The following DGKB variants were observed in gnomAD, a reference collection of about 807,000 sequenced individuals.
DGKB encodes the protein diacylglycerol kinase beta, also known as 90 kDa diacylglycerol kinase.
DGKB carries 67 observed loss-of-function variants against 114.3 expected under a neutral mutation model. The ratio of observed to expected loss-of-function variants is 0.59; its 90% CI spans 0.48 to 0.72. The LOEUF is 0.72. Ranked by LOEUF, DGKB falls within the 30% of genes least tolerant of loss-of-function variation. DGKB has a pLI of 0.00. For synonymous variants in DGKB, 398 were observed against 323.1 expected, an observed-to-expected ratio of 1.23 and a Z score of -2.49; for missense variants, 907 against 975.2, an observed-to-expected ratio of 0.93 and a Z score of 0.93.
intron 21 of DGKB, among the ~76,000 whole-genome samples, chr7:14,468,363 T>C (rs1403633455): frequency 3.3e-5 from 5 of 152,084 alleles, no homozygotes; most frequent in East Asian, 1.9e-4. Context: ...AGGCTGATGC[T>C]AACCTAGGTG....
chr7:14,445,562 G>T (rs761504458), intron 21 of DGKB, among the ~76,000 whole-genome samples: 1 of 151,970 alleles, frequency 6.6e-6, no homozygotes, highest in African/African-American at 2.4e-5. Context: ...AGATAATGAA[G>T]AGGTAATAAC....
chr7:14,530,387 T>C (rs1319098477), intron 20 of DGKB, among the ~76,000 whole-genome samples: 1 of 151,560 alleles, frequency 6.6e-6, no homozygotes, highest in Non-Finnish European at 1.5e-5. Flanking sequence ...CATCTCAAAT[T>C]GCCTTCTCCC....
At chr7:14,826,258 G>A (rs2109500) in intron 2 of DGKB, among the ~76,000 whole-genome samples, 66,747 of 151,856 alleles carry the variant, frequency 0.44, 15,088 homozygotes, top group Non-Finnish European at 0.48. Flanking sequence ...TAATTATTCC[G>A]TGGGACTCTC....
intron 20 of DGKB, among the ~76,000 whole-genome samples, chr7:14,501,341 C>T (rs1786139001): frequency 1.3e-5 from 2 of 151,270 alleles, no homozygotes; most frequent in Non-Finnish European, 3.0e-5. Flanking sequence ...GAAATATCAT[C>T]AGGAGGAGGT....
At chr7:14,928,954 T>C (rs1784872877) in intron 1 of DGKB, among the ~76,000 whole-genome samples, 3 of 151,882 alleles carry the variant, frequency 2.0e-5, no homozygotes. Context: ...TGACTTAAGA[T>C]AATGGCTTGT....
At chr7:14,554,047 AT>A (rs1421360063) in intron 20 of DGKB, among the ~76,000 whole-genome samples, 2 of 151,058 alleles carry the variant, frequency 1.3e-5, no homozygotes, top group African/African-American at 4.9e-5. Flanking sequence ...TAATTTTTGT[AT>A]TTTTTAGTAG....
intron 21 of DGKB, among the ~76,000 whole-genome samples, chr7:14,437,570 A>G (rs1829465931): frequency 6.6e-6 from 1 of 152,040 alleles, no homozygotes; most frequent in African/African-American, 2.4e-5. Flanking sequence ...GGCTTTATTT[A>G]ACTGATTTAA....
At chr7:14,883,653 A>G (rs1393835070) in intron 1 of DGKB, among the ~76,000 whole-genome samples, 2 of 151,950 alleles carry the variant, frequency 1.3e-5, no homozygotes, top group African/African-American at 4.8e-5. Context: ...ATACTTTTGA[A>G]CAAATTTGAG....
At chr7:14,698,038 A>C in intron 8 of DGKB, 57 bp downstream of exon 8, 1 of 884,178 alleles carries the variant, frequency 1.1e-6, no homozygotes, top group Non-Finnish European at 1.8e-6. Context: ...AAAGAAAGAA[A>C]AGAAAGAAAG....
chr7:14,688,820 A>C (rs2128983616), intron 9 of DGKB, among the ~76,000 whole-genome samples: 1 of 69,394 alleles, frequency 1.4e-5, no homozygotes, highest in Admixed American at 1.5e-4. Flanking sequence ...TTTTTCCATA[A>C]ATAAAAATCA....
At chr7:14,534,289 C>A (rs1193953757) in intron 20 of DGKB, among the ~76,000 whole-genome samples, 5 of 151,766 alleles carry the variant, frequency 3.3e-5, no homozygotes, top group Admixed American at 6.6e-5. Flanking sequence ...ATAAAATAAA[C>A]AAAGGTAGTA....
intron 20 of DGKB, among the ~76,000 whole-genome samples, chr7:14,545,551 A>G (rs1309059105): frequency 6.6e-6 from 1 of 152,164 alleles, no homozygotes; most frequent in Non-Finnish European, 1.5e-5. Flanking sequence ...GGATAATAAA[A>G]CAGACTAGAG....
chr7:14,728,625 CCTAT>C (rs1372725139), intron 5 of DGKB, among the ~76,000 whole-genome samples: 2 of 152,030 alleles, frequency 1.3e-5, no homozygotes, highest in Non-Finnish European at 2.9e-5. Flanking sequence ...TTTTTGAACT[CCTAT>C]CTTAGTTTAA....
At chr7:14,396,993 T>C (rs1238488120) in intron 21 of DGKB, among the ~76,000 whole-genome samples, 1 of 152,072 alleles carries the variant, frequency 6.6e-6, no homozygotes, top group Non-Finnish European at 1.5e-5. Flanking sequence ...TATATGGAAA[T>C]ATTGAAGAGA....
chr7:14,766,053 C>T lies in DGKB; in HGVS notation c.71-8322G>A, dbSNP rs187053234. 2.4e-3 allele frequency among the ~76,000 whole-genome samples: 362 copies of T among 151,958 alleles called. 1 individual carries two copies. The highest frequency in any genetic ancestry group is 4.1e-3 in the Non-Finnish European group (278 of 67,854). On this transcript the variant is annotated intron_variant, in intron 2 of 25. Transcript: ENST00000402815. ...ATCAATCTATATGTGATTATTTGTA[C>T]TTTAGAAACAATAAATAGGTCTTTA...
At chr7:14,973,107 A>T (rs979704557) in intron 1 of DGKB, among the ~76,000 whole-genome samples, 3 of 152,048 alleles carry the variant, frequency 2.0e-5, no homozygotes, top group African/African-American at 7.2e-5. Flanking sequence ...TTGAAAATAA[A>T]TCTCTTACAA....
chr7:14,590,849 A>C (rs1584996527), intron 17 of DGKB, among the ~76,000 whole-genome samples: 1 of 152,054 alleles, frequency 6.6e-6, no homozygotes, highest in East Asian at 1.9e-4. Context: ...TTTCTTTATT[A>C]AAAGTAGTAT....
chr7:14,167,544 A>G (rs1289905417), intron 25 of DGKB, among the ~76,000 whole-genome samples: 1 of 152,176 alleles, frequency 6.6e-6, no homozygotes, highest in Non-Finnish European at 1.5e-5. Context: ...TGAGAAAGCT[A>G]TCCTATGAAG....
intron 1 of DGKB, among the ~76,000 whole-genome samples, chr7:14,953,381 T>C (rs1786316445): frequency 6.6e-6 from 1 of 152,120 alleles, no homozygotes; most frequent in South Asian, 2.1e-4. Context: ...CATTTTTAAA[T>C]GGGAGAAAGC....
Sources: allele counts gnomAD v4.1 joint callset (sites outside exome capture counted in the v4.1 genomes callset), GRCh38; gene constraint gnomAD v4.1.1; transcripts MANE v1.5; gene names NCBI Gene and HGNC (gene_info 2026-07-23, HGNC 2026-07-21).